APBB2: variants seen among roughly 807,000 people sequenced by gnomAD.
APBB2 encodes Fe65-like 1.
APBB2 carries 38 observed loss-of-function variants against 82.5 expected under a neutral mutation model. That is an observed-to-expected ratio of 0.46 (90% confidence interval 0.36 to 0.60). The LOEUF (loss-of-function observed/expected upper bound fraction) is 0.60, where lower values mean the gene tolerates loss of function less well. APBB2 is among the 20% of genes least tolerant of loss of function. The pLI is 0.00. For synonymous variants in APBB2, 341 were observed against 368.2 expected (o/e 0.93, Z 0.85); for missense variants, 772 against 972.3 (o/e 0.79, Z 2.74).
At chr4:41,061,603 G>C (rs1273635459) in intron 4 of APBB2, among the ~76,000 whole-genome samples, 1 of 152,238 alleles carries the variant, frequency 6.6e-6, no homozygotes, top group Non-Finnish European at 1.5e-5. Flanking sequence ...TGTACATGCA[G>C]TCCATCATAG....
chr4:40,971,399 C>A (rs928780838), intron 6 of APBB2, among the ~76,000 whole-genome samples: 2 of 152,122 alleles, frequency 1.3e-5, no homozygotes, highest in African/African-American at 2.4e-5. Context: ...AAACTAAATT[C>A]TCTACTTATT....
intron 6 of APBB2, among the ~76,000 whole-genome samples, chr4:40,996,201 G>C (rs1803599234): frequency 6.6e-6 from 1 of 152,212 alleles, no homozygotes; most frequent in African/African-American, 2.4e-5. Flanking sequence ...GTTCATTGGT[G>C]AATGAGATAT....
Position 41,013,748 on chromosome 4 carries a change from C to G in APBB2, c.670G>C (p.Ala224Pro), listed in dbSNP as rs1428667453. The G allele has an allele frequency of 2.5e-6, 4 of 1,614,138 alleles. No homozygotes were observed. The East Asian group carries it at 8.9e-5, about 36-fold the overall frequency. The change falls in exon 6 of 18, where the codon GCC (alanine) becomes CCC (proline). Residue 224 changes from alanine (A) to proline (P), a missense_variant. Physicochemically the swap from Ala to Pro is conservative, Grantham distance 27. Coordinates refer to ENST00000508593, the MANE Select transcript of APBB2 (RefSeq NM_004307.2). ...GTTTCTGGGCTGGATGACACTGTGG[C>G]TACTTGGCCGTCTTCAGGGCTGGAC... ...PQSSPEDGQV[A>P]TVSSSPETKK...
intron 6 of APBB2, among the ~76,000 whole-genome samples, chr4:41,004,632 C>G (rs1806179067): frequency 6.6e-6 from 1 of 151,786 alleles, no homozygotes; most frequent in South Asian, 2.1e-4. Context: ...GTCAGGAGAT[C>G]GAGACCATCC....
intron 17 of APBB2, 73 bp from the exon 18 acceptor site, chr4:40,816,332 TGACCC>T: frequency 6.6e-7 from 1 of 1,523,066 alleles, no homozygotes; most frequent in Non-Finnish European, 9.0e-7. Flanking sequence ...CTTTAAGTCA[TGACCC>T]ATAATACATT....
At chr4:41,043,371 C>A (rs1205341734) in intron 4 of APBB2, among the ~76,000 whole-genome samples, 1 of 151,954 alleles carries the variant, frequency 6.6e-6, no homozygotes, top group Non-Finnish European at 1.5e-5. Context: ...CTAAATAACA[C>A]TAAATGAAAA....
intron 6 of APBB2, among the ~76,000 whole-genome samples, chr4:40,962,726 G>A (rs923265551): frequency 6.6e-6 from 1 of 152,084 alleles, no homozygotes; most frequent in African/African-American, 2.4e-5. Context: ...AAGAAGTGGG[G>A]GAAGGGAGGG....
chr4:40,878,078 G>A (rs1010952269), intron 12 of APBB2, among the ~76,000 whole-genome samples: 1 of 148,492 alleles, frequency 6.7e-6, no homozygotes, highest in Admixed American at 6.6e-5. Flanking sequence ...CGGACTCGGT[G>A]GCTCACGCCT....
chr4:41,110,012 T>C (rs1748620043), intron 2 of APBB2, among the ~76,000 whole-genome samples: 1 of 152,194 alleles, frequency 6.6e-6, no homozygotes, highest in Non-Finnish European at 1.5e-5. Context: ...AATTTTATCA[T>C]CTTTGTGTTC....
chr4:41,002,672 C>A (rs564578278), intron 6 of APBB2, among the ~76,000 whole-genome samples: 4 of 152,332 alleles, frequency 2.6e-5, no homozygotes, highest in Admixed American at 2.6e-4. Context: ...TCTGAATTTA[C>A]AAGAGGAATG....
At chr4:40,946,232 C>CAAAAAAAAAAAAAAAAAAAAAAAAAA (rs55995119) in intron 6 of APBB2, among the ~76,000 whole-genome samples, 1 of 78,724 alleles carries the variant, frequency 1.3e-5, no homozygotes, top group Non-Finnish European at 2.4e-5. Context: ...ACTCTATCTC[C>CAAAAAAAAAAAAAAAAAAAAAAAAAA]AAAAAAAAAA....
At chr4:41,111,784 C>T (rs1364752552) in intron 2 of APBB2, among the ~76,000 whole-genome samples, 2 of 152,152 alleles carry the variant, frequency 1.3e-5, no homozygotes, top group Admixed American at 1.3e-4. Flanking sequence ...TTTAGCAATT[C>T]CCTATATTCT....
At chr4:40,975,422 T>G (rs1323652300) in intron 6 of APBB2, among the ~76,000 whole-genome samples, 1 of 152,308 alleles carries the variant, frequency 6.6e-6, no homozygotes, top group South Asian at 2.1e-4. Context: ...TGCTTTTCTA[T>G]GTTGAGTACT....
At chr4:41,170,279 C>T (rs923173789) in intron 1 of APBB2, among the ~76,000 whole-genome samples, 1 of 152,086 alleles carries the variant, frequency 6.6e-6, no homozygotes, top group East Asian at 1.9e-4. Flanking sequence ...CTAGGCCATC[C>T]GGAGGGCAAT....
chr4:41,185,409 G>A (rs940718872), intron 1 of APBB2, among the ~76,000 whole-genome samples: 1 of 152,042 alleles, frequency 6.6e-6, no homozygotes, highest in Non-Finnish European at 1.5e-5. Context: ...ACAACCACAA[G>A]ATCTACCATA....
chr4:41,045,978 T>C (rs1435728440), intron 4 of APBB2, among the ~76,000 whole-genome samples: 1 of 150,880 alleles, frequency 6.6e-6, no homozygotes, highest in Admixed American at 6.7e-5. Flanking sequence ...TTTTTAATAA[T>C]GAGCATGAAA....
chr4:40,982,939 G>T (rs1232848535), intron 6 of APBB2, among the ~76,000 whole-genome samples: 2 of 152,282 alleles, frequency 1.3e-5, no homozygotes, highest in East Asian at 3.9e-4. Context: ...CTAGGGAACT[G>T]CGATGGCCCT....
At chr4:41,184,597 T>C (rs991746300) in intron 1 of APBB2, among the ~76,000 whole-genome samples, 5 of 152,174 alleles carry the variant, frequency 3.3e-5, no homozygotes, top group African/African-American at 4.8e-5. Flanking sequence ...ACTTTATTTT[T>C]CTCCATTGTG....
chr4:41,196,269 T>C, intron 1 of APBB2, among the ~76,000 whole-genome samples: 1 of 152,206 alleles, frequency 6.6e-6, no homozygotes, highest in Non-Finnish European at 1.5e-5. Flanking sequence ...TTACGTACTA[T>C]GGTTAGTTAC....
Sources: gnomAD v4.1 joint callset for allele counts (sites outside exome capture counted in the v4.1 genomes callset) on GRCh38, gnomAD v4.1.1 for gene constraint, MANE v1.5 for transcripts, NCBI Gene and HGNC (gene_info 2026-07-23, HGNC 2026-07-21) for gene names.